The following KHDRBS2 variants were observed in gnomAD, a reference collection of about 807,000 sequenced individuals.
The protein encoded by KHDRBS2 is KH RNA binding domain containing, signal transduction associated 2.
KHDRBS2 carries 26 observed loss-of-function variants against 44.3 expected under a neutral mutation model. That is an observed-to-expected ratio of 0.59 (90% CI 0.43 to 0.81). The LOEUF (loss-of-function observed/expected upper bound fraction) is 0.81. Among genes scored for constraint, KHDRBS2 ranks in the 40% least tolerant of loss-of-function variants. The probability of loss-of-function intolerance (pLI) is 0.00; values close to 1 mark genes in which losing one functional copy is unlikely to be tolerated. For missense variants in KHDRBS2, 476 were observed against 433.1 expected, an observed-to-expected ratio of 1.10 and a Z score of -0.88; for synonymous variants, 194 against 151.1, an observed-to-expected ratio of 1.28 and a Z score of -2.08.
At chr6:61,591,181 T>C in the KHDRBS2 span, among the ~76,000 whole-genome samples, 56 of 152,196 alleles carry the variant, frequency 3.7e-4, no homozygotes, top group Non-Finnish European at 6.3e-4. Flanking sequence ...TCCTTCATCA[T>C]TGACAGAGTG....
chr6:62,272,034 A>G (rs1840175439), intron 1 of KHDRBS2, among the ~76,000 whole-genome samples: 1 of 152,278 alleles, frequency 6.6e-6, no homozygotes, highest in East Asian at 1.9e-4. Flanking sequence ...CGCAAGCTCC[A>G]TTCATGGTAA....
the KHDRBS2 span, among the ~76,000 whole-genome samples, chr6:61,595,017 A>C: frequency 2.0e-5 from 3 of 152,136 alleles, no homozygotes; most frequent in Non-Finnish European, 2.9e-5. Flanking sequence ...CAAAATCAGC[A>C]TCAGACATAC....
chr6:61,827,427 G>A (rs1450414989), intron 6 of KHDRBS2, among the ~76,000 whole-genome samples: 1 of 152,154 alleles, frequency 6.6e-6, no homozygotes, highest in Non-Finnish European at 1.5e-5. Flanking sequence ...GACACATGAT[G>A]CCTGTTAGGA....
chr6:61,686,196 AG>A (rs1246960540), intron 8 of KHDRBS2, among the ~76,000 whole-genome samples: 1 of 151,792 alleles, frequency 6.6e-6, no homozygotes, highest in African/African-American at 2.4e-5. Context: ...AGCAAAACGA[AG>A]GAAGCTCATG....
At chr6:61,828,638 T>C (rs921720300) in intron 6 of KHDRBS2, among the ~76,000 whole-genome samples, 5 of 152,188 alleles carry the variant, frequency 3.3e-5, no homozygotes, top group African/African-American at 1.2e-4. Context: ...CTCAGGCTGC[T>C]GAGAGGTAAT....
At chr6:61,594,189 T>C in the KHDRBS2 span, among the ~76,000 whole-genome samples, 1 of 151,848 alleles carries the variant, frequency 6.6e-6, no homozygotes, top group African/African-American at 2.4e-5. Flanking sequence ...TTGCATAAAA[T>C]AAAAAAGTTT....
chr6:61,663,328 C>T, the KHDRBS2 span, among the ~76,000 whole-genome samples: 1 of 146,196 alleles, frequency 6.8e-6, no homozygotes, highest in Non-Finnish European at 1.5e-5. Context: ...TGCAGCACAC[C>T]AACATGGCAC....
chr6:61,782,689 GTATATATATATATATA>G (rs70993182), intron 6 of KHDRBS2, among the ~76,000 whole-genome samples: 5,108 of 110,976 alleles, frequency 0.046, 226 homozygotes, highest in Non-Finnish European at 0.053. Flanking sequence ...TAAAGGTTGT[GTATATATATATATATA>G]TATATATATA....
At chr6:62,021,877 T>G (rs1400969595) in intron 3 of KHDRBS2, among the ~76,000 whole-genome samples, 1 of 151,126 alleles carries the variant, frequency 6.6e-6, no homozygotes. Context: ...TTTTCAAAAT[T>G]TAAAGAGACT....
intron 1 of KHDRBS2, among the ~76,000 whole-genome samples, chr6:62,206,993 C>A (rs1362974283): frequency 6.6e-6 from 1 of 152,012 alleles, no homozygotes; most frequent in Non-Finnish European, 1.5e-5. Context: ...TACATGCCTG[C>A]AGATGTGTGT....
rs371595813 is a variant in KHDRBS2, at chr6:61,945,150, T to TATATATACACACAC, written c.483+32915_483+32916insGTGTGTGTATATAT. ...ATATATATATATATATATATATATA[T>TATATATACACACAC]ACACACAGACTTGTCTTGATAAAGT... On this transcript the variant is annotated intron_variant, in intron 4 of 8. Coordinates refer to ENST00000281156, the MANE Select transcript of KHDRBS2 (RefSeq NM_152688.4). 2.0e-3 allele frequency among the ~76,000 whole-genome samples: 176 copies of TATATATACACACAC among 86,984 alleles called. 8 individuals carry two copies. The highest frequency in any genetic ancestry group is 5.7e-3 in the African/African-American group (134 of 23,334). 57.1% of individuals were successfully genotyped at this position (86,984 alleles called of 152,430 possible).
At chr6:61,663,582 A>G in the KHDRBS2 span, among the ~76,000 whole-genome samples, 1 of 128,732 alleles carries the variant, frequency 7.8e-6, no homozygotes, top group Non-Finnish European at 1.6e-5. Flanking sequence ...CAAGCTTCTG[A>G]CTACCGCTGA....
chr6:61,723,717 A>G lies in KHDRBS2; in HGVS notation c.893+8965T>C, dbSNP rs774763916. On this transcript the variant is annotated intron_variant, in intron 7 of 8. Coordinates refer to ENST00000281156, the MANE Select transcript of KHDRBS2 (RefSeq NM_152688.4). ...AATAGCAGAATAGACTGAGTGGATG[A>G]AAGACAGAGCTTGAAGACTATCTTT... Among the ~76,000 whole-genome samples the G allele has an allele frequency of 2.2e-4, 33 of 152,186 alleles. 1 individual carries two copies. Among genetic ancestry groups the G allele is most frequent in the Admixed American group, 2.0e-3 (30 of 15,266 alleles).
chr6:61,546,460 A>G, the KHDRBS2 span, among the ~76,000 whole-genome samples: 103 of 152,260 alleles, frequency 6.8e-4, no homozygotes, highest in Non-Finnish European at 1.3e-3. Flanking sequence ...GCAAAATAAC[A>G]TAATGAAACC....
the KHDRBS2 span, among the ~76,000 whole-genome samples, chr6:61,569,250 A>T: frequency 6.6e-6 from 1 of 151,996 alleles, no homozygotes; most frequent in Non-Finnish European, 1.5e-5. Context: ...TGCCCAAGGA[A>T]AGTCTGAGCC....
intron 3 of KHDRBS2, among the ~76,000 whole-genome samples, chr6:62,009,359 G>A (rs906752678): frequency 3.9e-5 from 6 of 152,114 alleles, no homozygotes; most frequent in African/African-American, 1.4e-4. Flanking sequence ...AGGTGAGTTG[G>A]GTACTGTTAA....
chr6:62,178,544 A>T (rs1168030712), intron 1 of KHDRBS2, among the ~76,000 whole-genome samples: 1 of 151,556 alleles, frequency 6.6e-6, no homozygotes, highest in Non-Finnish European at 1.5e-5. Context: ...AGCAGAAGGC[A>T]AGCAAAAAAG....
At chr6:61,988,657 G>T (rs1018224310) in intron 3 of KHDRBS2, among the ~76,000 whole-genome samples, 2 of 152,290 alleles carry the variant, frequency 1.3e-5, no homozygotes, top group African/African-American at 4.8e-5. Flanking sequence ...GACCTCAAAA[G>T]CTGAGAAGAA....
intron 8 of KHDRBS2, among the ~76,000 whole-genome samples, chr6:61,690,180 C>CA (rs1389190417): frequency 2.6e-5 from 4 of 151,968 alleles, no homozygotes; most frequent in Non-Finnish European, 4.4e-5. Flanking sequence ...CCTAAGGTGG[C>CA]ATATCCCTGG....
Sources: allele counts gnomAD v4.1 joint callset (sites outside exome capture counted in the v4.1 genomes callset), GRCh38; gene constraint gnomAD v4.1.1; transcripts MANE v1.5; gene names NCBI Gene and HGNC (gene_info 2026-07-23, HGNC 2026-07-21).